Variants in TGFA observed in about 807,000 individuals in gnomAD.
TGFA encodes transforming growth factor alpha, also known as protransforming growth factor alpha.
In TGFA, 12 loss-of-function variants were observed where a neutral mutation model predicts 21.7. The ratio of observed to expected loss-of-function variants is 0.55; its 90% CI spans 0.35 to 0.90. The LOEUF (loss-of-function observed/expected upper bound fraction) is 0.90. Ranked by LOEUF, TGFA falls within the 40% of genes least tolerant of loss-of-function variation. TGFA has a pLI of 0.01. For missense variants in TGFA, 178 were observed against 210.8 expected, an observed-to-expected ratio of 0.84 and a Z score of 0.96; for synonymous variants, 79 against 88.1, an observed-to-expected ratio of 0.90 and a Z score of 0.58.
intron 2 of TGFA, among the ~76,000 whole-genome samples, chr2:70,492,036 G>A (rs1004580256): frequency 9.9e-5 from 15 of 152,278 alleles, no homozygotes; most frequent in African/African-American, 3.6e-4. Context: ...AAAACCATGA[G>A]CAAGTCATGC....
At chr2:70,514,075 A>G (rs1672187294) in intron 2 of TGFA, among the ~76,000 whole-genome samples, 1 of 152,224 alleles carries the variant, frequency 6.6e-6, no homozygotes. Flanking sequence ...AAGAAACTAG[A>G]GCCACCGTAA....
intron 2 of TGFA, among the ~76,000 whole-genome samples, chr2:70,466,401 G>C (rs1670562513): frequency 6.6e-6 from 1 of 152,176 alleles, no homozygotes; most frequent in African/African-American, 2.4e-5. Flanking sequence ...CAGCTACTTG[G>C]GAGGCTGAGG....
chr2:70,490,405 G>A (rs2103783431), intron 2 of TGFA, among the ~76,000 whole-genome samples: 1 of 152,284 alleles, frequency 6.6e-6, no homozygotes, highest in East Asian at 1.9e-4. Flanking sequence ...TGGCAAATGG[G>A]AACATTTTTG....
chr2:70,532,177 T>C (rs1303928789), intron 1 of TGFA, among the ~76,000 whole-genome samples: 1 of 152,178 alleles, frequency 6.6e-6, no homozygotes, highest in African/African-American at 2.4e-5. Flanking sequence ...AAATAGCTCA[T>C]CAGGTGATAA....
At chr2:70,525,984 T>G (rs1672621927) in intron 1 of TGFA, among the ~76,000 whole-genome samples, 1 of 152,148 alleles carries the variant, frequency 6.6e-6, no homozygotes, top group Non-Finnish European at 1.5e-5. Context: ...ACAGAGAAAG[T>G]CTCTTCAACT....
chr2:70,521,404 C>A (rs1553502242), intron 1 of TGFA, among the ~76,000 whole-genome samples: 1 of 152,166 alleles, frequency 6.6e-6, no homozygotes, highest in Admixed American at 6.5e-5. Context: ...GATCCTCACC[C>A]AACTTCTTAT....
At chr2:70,487,000 G>C (rs1300808567) in intron 2 of TGFA, among the ~76,000 whole-genome samples, 3 of 152,150 alleles carry the variant, frequency 2.0e-5, no homozygotes, top group African/African-American at 7.2e-5. Flanking sequence ...CTGACCTCGT[G>C]ATCTGCCCGC....
At chr2:70,482,857 G>A (rs1553495952) in intron 2 of TGFA, among the ~76,000 whole-genome samples, 1 of 152,174 alleles carries the variant, frequency 6.6e-6, no homozygotes, top group Non-Finnish European at 1.5e-5. Flanking sequence ...CAGGAAAGAA[G>A]GATAAAGCCT....
At chr2:70,491,420 G>T (rs1411729546) in intron 2 of TGFA, among the ~76,000 whole-genome samples, 1 of 152,132 alleles carries the variant, frequency 6.6e-6, no homozygotes. Context: ...TGATTCAGAA[G>T]TCATCCATAC....
In TGFA at chr2:70,447,558, A is replaced by G. The variant is rs551837831; in HGVS notation, c.*3301T>C. 1 of 152,744 alleles carries G rather than the reference A, an allele frequency of 6.5e-6. No individual in the cohort carries two copies. Among genetic ancestry groups the G allele is most frequent in the South Asian group, 2.1e-4 (1 of 4,820 alleles). 9.5% of individuals were successfully genotyped at this position (152,744 alleles called of 1,614,324 possible). On this transcript the variant is annotated 3_prime_UTR_variant, in exon 6 of 6. Transcript: ENST00000295400. ...GTAAGGAGTTCTAAAAAAAAGCATC[A>G]GGTTTATTATAATAAAGATAATGAA...
intron 1 of TGFA, 26 bp downstream of exon 1, chr2:70,553,702 G>A: frequency 1.5e-6 from 2 of 1,332,692 alleles, no homozygotes; most frequent in Non-Finnish European, 9.6e-7. Context: ...GCGCGGCGCA[G>A]GGGGCGCCGC....
chr2:70,526,345 A>G (rs1187153704), intron 1 of TGFA, among the ~76,000 whole-genome samples: 5 of 152,210 alleles, frequency 3.3e-5, no homozygotes, highest in Non-Finnish European at 7.4e-5. Context: ...TGAGACTCGG[A>G]AGCCCCAAGA....
intron 1 of TGFA, among the ~76,000 whole-genome samples, chr2:70,522,253 G>GA (rs1553502422): frequency 6.6e-6 from 1 of 152,134 alleles, no homozygotes; most frequent in Non-Finnish European, 1.5e-5. Context: ...CAAAGACTTG[G>GA]ACTAGGGGCT....
intron 1 of TGFA, among the ~76,000 whole-genome samples, chr2:70,551,958 T>C (rs1398293459): frequency 2.6e-5 from 4 of 152,094 alleles, no homozygotes; most frequent in Non-Finnish European, 1.5e-5. Context: ...AATGTGCTTA[T>C]CTTCATCATT....
chr2:70,550,738 G>A (rs1188866462), intron 1 of TGFA, among the ~76,000 whole-genome samples: 1 of 152,148 alleles, frequency 6.6e-6, no homozygotes, highest in Admixed American at 6.5e-5. Flanking sequence ...GCAGAATGGC[G>A]TGAACCCGGG....
chr2:70,497,152 G>A (rs1309777012), intron 2 of TGFA, among the ~76,000 whole-genome samples: 1 of 152,230 alleles, frequency 6.6e-6, no homozygotes, highest in Non-Finnish European at 1.5e-5. Flanking sequence ...TAGAAAGTAA[G>A]GAAGAAAGAC....
chr2:70,449,130 A>G lies in TGFA; in HGVS notation c.*1729T>C. Reference sequence around the variant, plus strand: ...CAGATCCAAGTGCTTCAGGTGTGGCATTGTTAAATAAGAGTGCCAAAAATG... The same window carrying G: ...CAGATCCAAGTGCTTCAGGTGTGGCGTTGTTAAATAAGAGTGCCAAAAATG... On this transcript the variant is annotated 3_prime_UTR_variant, in exon 6 of 6. Transcript: ENST00000295400. The G allele has an allele frequency of 6.6e-6, 1 of 152,240 alleles. No individual in the cohort carries two copies. Among genetic ancestry groups the G allele is most frequent in the Middle Eastern group, 3.2e-3 (1 of 316 alleles). The allele number at this position is 152,240 out of a possible 1,614,324, so 9.4% of individuals were successfully genotyped here.
chr2:70,542,188 C>T (rs1553505258), intron 1 of TGFA, among the ~76,000 whole-genome samples: 1 of 152,088 alleles, frequency 6.6e-6, no homozygotes, highest in Non-Finnish European at 1.5e-5. Flanking sequence ...TTGTTAGTTG[C>T]TAAGAACTGG....
At chr2:70,498,149 A>G (rs1671630289) in intron 2 of TGFA, among the ~76,000 whole-genome samples, 1 of 152,276 alleles carries the variant, frequency 6.6e-6, no homozygotes, top group Non-Finnish European at 1.5e-5. Flanking sequence ...AAAGTGGGTG[A>G]AAGAGCTGGA....
Sources: gnomAD v4.1 joint callset for allele counts (sites outside exome capture counted in the v4.1 genomes callset) on GRCh38, gnomAD v4.1.1 for gene constraint, MANE v1.5 for transcripts, NCBI Gene and HGNC (gene_info 2026-07-23, HGNC 2026-07-21) for gene names.